The following PSD3 variants were observed in gnomAD, a reference collection of about 807,000 sequenced individuals.
PSD3 encodes the protein pleckstrin and Sec7 domain containing 3, also known as PH and SEC7 domain-containing protein 3.
In PSD3, 49 loss-of-function variants were observed where a neutral mutation model predicts 105.5. That is an observed-to-expected ratio of 0.46 (90% CI 0.37 to 0.59). PSD3 has a LOEUF of 0.59. Among genes scored for constraint, PSD3 ranks in the 20% least tolerant of loss-of-function variants. PSD3 has a pLI of 0.00. For synonymous variants in PSD3, 557 were observed against 457.8 expected (o/e 1.22, Z -2.77); for missense variants, 1,561 against 1,263.8 (o/e 1.24, Z -3.57).
intron 1 of PSD3, among the ~76,000 whole-genome samples, chr8:19,060,721 C>T (rs770367049): frequency 6.6e-6 from 1 of 152,196 alleles, no homozygotes. Flanking sequence ...ATAATTCTTC[C>T]ACTGTTATAC....
rs779069562 is a variant in PSD3 at position 18,534,479 on chromosome 8, GA to G, written c.*1263del. 2.0e-5 allele frequency: 3 copies of G among 152,572 alleles called. No individual in the cohort carries two copies. The highest frequency in any genetic ancestry group is 6.5e-5 in the Admixed American group (1 of 15,272). 9.5% of individuals were successfully genotyped at this position (152,572 alleles called of 1,614,324 possible). On this transcript the variant is annotated 3_prime_UTR_variant, in exon 16 of 16. Coordinates refer to ENST00000327040, the MANE Select transcript of PSD3 (RefSeq NM_015310.4). ...TAGAACCATTTTGAGTAGACAGAAA[GA>G]AAGGACTGAAAATAGATGAAGTATT...
chr8:18,830,108 C>T (rs1024688099), intron 4 of PSD3, among the ~76,000 whole-genome samples: 3 of 152,134 alleles, frequency 2.0e-5, no homozygotes, highest in Non-Finnish European at 4.4e-5. Context: ...GCTGGGACTA[C>T]AGGCACGTGC....
At chr8:18,574,667 GTGAGGTAT>G (rs1238533892) in intron 13 of PSD3, among the ~76,000 whole-genome samples, 1 of 152,182 alleles carries the variant, frequency 6.6e-6, no homozygotes, top group Non-Finnish European at 1.5e-5. Context: ...CAGGCACTGT[GTGAGGTAT>G]TATACACACT....
At chr8:18,780,834 G>A (rs945189979) in intron 8 of PSD3, among the ~76,000 whole-genome samples, 11 of 152,128 alleles carry the variant, frequency 7.2e-5, no homozygotes, top group African/African-American at 2.7e-4. Flanking sequence ...TATTACAGGC[G>A]TGAGCCACCG....
chr8:18,723,733 T>A (rs1262909754), intron 9 of PSD3, among the ~76,000 whole-genome samples: 1 of 152,256 alleles, frequency 6.6e-6, no homozygotes, highest in South Asian at 2.1e-4. Context: ...CGGTAGCCTT[T>A]TTAAAATAAA....
At chr8:18,772,595 G>A (rs936700057) in intron 8 of PSD3, among the ~76,000 whole-genome samples, 13 of 151,998 alleles carry the variant, frequency 8.6e-5, no homozygotes, top group African/African-American at 2.2e-4. Flanking sequence ...TGTGACCTCC[G>A]CCTCCCAAGT....
At chr8:18,740,935 T>A (rs1381352409) in intron 9 of PSD3, among the ~76,000 whole-genome samples, 4 of 152,182 alleles carry the variant, frequency 2.6e-5, no homozygotes, top group Non-Finnish European at 5.9e-5. Context: ...TGGATTAACC[T>A]GGGTGCCTCC....
At chr8:18,773,370 C>G (rs184788590) in intron 8 of PSD3, among the ~76,000 whole-genome samples, 3 of 152,286 alleles carry the variant, frequency 2.0e-5, no homozygotes, top group Admixed American at 6.5e-5. Flanking sequence ...CAGTTCCACA[C>G]TATTTTGACT....
intron 10 of PSD3, among the ~76,000 whole-genome samples, chr8:18,654,049 G>A (rs961374469): frequency 6.6e-6 from 1 of 152,154 alleles, no homozygotes. Context: ...TTTGATAGCA[G>A]ACCATGAATT....
At chr8:18,846,182 C>T (rs945185896) in intron 4 of PSD3, among the ~76,000 whole-genome samples, 1 of 152,126 alleles carries the variant, frequency 6.6e-6, no homozygotes. Flanking sequence ...TGTGTTTGAC[C>T]GTATCAGTAG....
Position 18,632,705 on chromosome 8 carries a change from G to A in PSD3, c.2318C>T (p.Pro773Leu). The part of the protein sequence containing the change: ...TISRIGSTTN[P>L]FLDIPHDPNA... ...TGGATCATGAGGAATGTCCAAAAATGGGTTAGTAGTACTTCCAATACGACT... is the reference window on the plus strand; with the variant it reads ...TGGATCATGAGGAATGTCCAAAAATAGGTTAGTAGTACTTCCAATACGACT... The change falls in exon 11 of 16, where the codon CCA becomes CTA. Residue 773 changes from proline (P) to leucine (L), a missense_variant. Transcript: ENST00000327040. The A allele has an allele frequency of 6.2e-7, 1 of 1,612,092 alleles. No homozygotes were observed. The highest frequency in any genetic ancestry group is 8.5e-7 in the Non-Finnish European group (1 of 1,178,560).
At chr8:18,782,013 T>C (rs1195253553) in intron 8 of PSD3, among the ~76,000 whole-genome samples, 2 of 152,164 alleles carry the variant, frequency 1.3e-5, no homozygotes, top group Non-Finnish European at 2.9e-5. Flanking sequence ...CTCTTTGAAT[T>C]CTTCAGTTTC....
intron 11 of PSD3, among the ~76,000 whole-genome samples, chr8:18,613,445 C>T (rs976745079): frequency 1.3e-5 from 2 of 152,146 alleles, no homozygotes; most frequent in African/African-American, 2.4e-5. Context: ...TTTGCTGATG[C>T]GTATTTCCTT....
chr8:18,852,841 T>C (rs1024975027), intron 4 of PSD3, among the ~76,000 whole-genome samples: 3 of 152,242 alleles, frequency 2.0e-5, no homozygotes, highest in African/African-American at 7.2e-5. Flanking sequence ...TGATCATTAA[T>C]GTTTACTGAG....
intron 4 of PSD3, among the ~76,000 whole-genome samples, chr8:18,842,432 T>G (rs552271299): frequency 4.7e-4 from 71 of 152,358 alleles, no homozygotes; most frequent in Middle Eastern, 3.4e-3. Context: ...TAAATAGCTC[T>G]CACAAAATTG....
chr8:18,597,003 A>G (rs956437485), intron 12 of PSD3, among the ~76,000 whole-genome samples: 4 of 152,140 alleles, frequency 2.6e-5, no homozygotes, highest in African/African-American at 9.7e-5. Flanking sequence ...TCAAAACCAG[A>G]AAACAGTACT....
At chr8:18,742,154 C>A (rs984225285) in intron 9 of PSD3, among the ~76,000 whole-genome samples, 12 of 152,162 alleles carry the variant, frequency 7.9e-5, no homozygotes, top group Admixed American at 7.9e-4. Context: ...GAAAGTTTCA[C>A]CTTTTGTTCT....
chr8:18,630,439 G>A (rs1806813708), intron 11 of PSD3, among the ~76,000 whole-genome samples: 1 of 151,816 alleles, frequency 6.6e-6, no homozygotes, highest in Non-Finnish European at 1.5e-5. Context: ...GGGCCACTGG[G>A]TCCAGGAAAA....
intron 9 of PSD3, among the ~76,000 whole-genome samples, chr8:18,737,608 C>T (rs888928884): frequency 6.6e-6 from 1 of 152,074 alleles, no homozygotes; most frequent in Non-Finnish European, 1.5e-5. Flanking sequence ...GGCCTCTATG[C>T]TATTTTCAAT....
Sources: gnomAD v4.1 joint callset for allele counts (sites outside exome capture counted in the v4.1 genomes callset) on GRCh38, gnomAD v4.1.1 for gene constraint, MANE v1.5 for transcripts, NCBI Gene and HGNC (gene_info 2026-07-23, HGNC 2026-07-21) for gene names.